EHBP1: variants seen among roughly 807,000 people sequenced by gnomAD.
EHBP1 encodes the protein EH domain-binding protein 1.
A neutral mutation model predicts 144.0 loss-of-function variants in EHBP1; 55 were observed. That is an observed-to-expected ratio of 0.38 (90% CI 0.31 to 0.48). The LOEUF (loss-of-function observed/expected upper bound fraction) is 0.48. Ranked by LOEUF, EHBP1 falls within the 20% of genes least tolerant of loss-of-function variation. The pLI is 0.98. For missense variants in EHBP1, 1,200 were observed against 1,364.2 expected (o/e 0.88, Z 1.90); for synonymous variants, 469 against 472.7 (o/e 0.99, Z 0.10).
At chr2:62,903,090 G>A (rs1038115053) in intron 10 of EHBP1, among the ~76,000 whole-genome samples, 10 of 152,098 alleles carry the variant, frequency 6.6e-5, no homozygotes, top group African/African-American at 2.4e-4. Flanking sequence ...AATGCACAGA[G>A]AAGCATTTAA....
chr2:62,763,529 C>G (rs779433871), intron 3 of EHBP1, among the ~76,000 whole-genome samples: 106 of 152,290 alleles, frequency 7.0e-4, no homozygotes, highest in South Asian at 2.5e-3. Flanking sequence ...TTATAATTTT[C>G]ATAGCATGTC....
intron 19 of EHBP1, among the ~76,000 whole-genome samples, chr2:63,019,673 C>T (rs955936617): frequency 1.5e-4 from 22 of 149,994 alleles, no homozygotes; most frequent in African/African-American, 4.9e-4. Context: ...TGCCATTGCA[C>T]TCCAGCCTGG....
At chr2:62,839,198 A>C (rs1276222642) in intron 7 of EHBP1, among the ~76,000 whole-genome samples, 1 of 152,078 alleles carries the variant, frequency 6.6e-6, no homozygotes, top group Non-Finnish European at 1.5e-5. Flanking sequence ...TACGCAAATC[A>C]ATAAATGTAA....
chr2:62,731,936 A>G (rs979807964), intron 2 of EHBP1, among the ~76,000 whole-genome samples: 10 of 152,142 alleles, frequency 6.6e-5, no homozygotes, highest in African/African-American at 2.4e-4. Context: ...TTTGTTTGAG[A>G]AAGTCTGTTT....
At chr2:62,983,052 G>A (rs1188127864) in intron 15 of EHBP1, among the ~76,000 whole-genome samples, 1 of 152,104 alleles carries the variant, frequency 6.6e-6, no homozygotes, top group Non-Finnish European at 1.5e-5. Flanking sequence ...CCCTCTGTTT[G>A]ACATACTTGT....
chr2:62,941,193 T>C (rs1376681216), intron 10 of EHBP1, among the ~76,000 whole-genome samples: 1 of 152,188 alleles, frequency 6.6e-6, no homozygotes, highest in Non-Finnish European at 1.5e-5. Flanking sequence ...CATAAACCAC[T>C]CTTCACTTTA....
chr2:62,874,820 CTA>C (rs112167697), intron 10 of EHBP1, among the ~76,000 whole-genome samples: 116 of 152,226 alleles, frequency 7.6e-4, no homozygotes, highest in African/African-American at 2.6e-3. Context: ...AAAGGATACT[CTA>C]TAACTATAGG....
intron 7 of EHBP1, among the ~76,000 whole-genome samples, chr2:62,846,332 A>G (rs1021777244): frequency 4.6e-5 from 7 of 152,198 alleles, no homozygotes; most frequent in Admixed American, 2.0e-4. Context: ...CAAAGTACCT[A>G]TATGAGTTCA....
chr2:62,694,502 CAA>C (rs71410958), intron 1 of EHBP1, among the ~76,000 whole-genome samples: 1 of 120,868 alleles, frequency 8.3e-6, no homozygotes. Context: ...CCTCCCATGA[CAA>C]AAAAAAAAAA....
intron 19 of EHBP1, among the ~76,000 whole-genome samples, chr2:63,036,119 A>C (rs1002746716): frequency 3.9e-5 from 6 of 152,060 alleles, no homozygotes; most frequent in Non-Finnish European, 1.5e-5. Flanking sequence ...TCCCTTACAC[A>C]CAGATTAGCT....
At chr2:62,821,524 C>G (rs2152570093) in intron 5 of EHBP1, among the ~76,000 whole-genome samples, 1 of 151,848 alleles carries the variant, frequency 6.6e-6, no homozygotes, top group African/African-American at 2.4e-5. Flanking sequence ...TCCCATTCAA[C>G]AAAAAATAAA....
chr2:62,987,632 T>G (rs994104230), intron 15 of EHBP1, among the ~76,000 whole-genome samples: 29 of 152,178 alleles, frequency 1.9e-4, no homozygotes, highest in African/African-American at 6.5e-4. Context: ...ACTTATAGAT[T>G]ACACTTTAAA....
At position 62,755,812 on chromosome 2, in the gene EHBP1, A is replaced by C. The variant is rs964840094; in HGVS notation, c.162+8360A>C. ...ATAGGTGAATATGACTAGACCTATA[A>C]ATTTTAGAAATAGCCTCTAAATGTT... is the stretch of plus-strand genomic sequence containing the variant. On this transcript the variant is annotated intron_variant, in intron 3 of 22. Coordinates refer to ENST00000431489, the MANE Select transcript of EHBP1 (RefSeq NM_001142616.3). Among the ~76,000 whole-genome samples, 10 of 152,330 alleles carry C rather than the reference A, an allele frequency of 6.6e-5. No individual in the cohort carries two copies. The East Asian group carries it at 7.7e-4, about 12-fold the overall frequency.
chr2:62,831,015 G>A lies in EHBP1; in HGVS notation c.495-4G>A, dbSNP rs1573580314. Reference sequence around the variant, plus strand: ...ATGTGTTATATTTTGAATCATTGATGTAGAGATGAAGACATGCAAAGTTTG... The same window carrying A: ...ATGTGTTATATTTTGAATCATTGATATAGAGATGAAGACATGCAAAGTTTG... On this transcript the variant is annotated splice_region_variant and splice_polypyrimidine_tract_variant and intron_variant, in intron 6 of 22. Transcript: ENST00000431489. 6.2e-7 allele frequency: 1 copy of A among 1,611,168 alleles called. No homozygotes were observed. Among genetic ancestry groups the A allele is most frequent in the Non-Finnish European group, 8.5e-7 (1 of 1,179,106 alleles).
chr2:62,970,332 G>C (rs1028382386), intron 14 of EHBP1, among the ~76,000 whole-genome samples: 2 of 152,076 alleles, frequency 1.3e-5, no homozygotes, highest in Non-Finnish European at 2.9e-5. Flanking sequence ...TACTAAGGCT[G>C]TATGAAACAC....
intron 5 of EHBP1, 108 bp downstream of exon 5, chr2:62,771,500 T>A: frequency 2.7e-6 from 2 of 753,510 alleles, no homozygotes; most frequent in Non-Finnish European, 4.2e-6. Flanking sequence ...TTAAGAAAAT[T>A]AAATAGTGAT....
intron 1 of EHBP1, among the ~76,000 whole-genome samples, chr2:62,680,263 T>C (rs184002434): frequency 6.6e-6 from 1 of 152,362 alleles, no homozygotes; most frequent in East Asian, 1.9e-4. Flanking sequence ...TCATTTTCAG[T>C]GCCCCTTGGC....
chr2:62,748,755 T>G (rs771863232), intron 3 of EHBP1, among the ~76,000 whole-genome samples: 3 of 152,176 alleles, frequency 2.0e-5, no homozygotes, highest in Non-Finnish European at 2.9e-5. Context: ...TTTCTACAAG[T>G]AGACCTGTAT....
chr2:62,836,908 A>G (rs1238468454), intron 7 of EHBP1, among the ~76,000 whole-genome samples: 2 of 148,216 alleles, frequency 1.3e-5, no homozygotes, highest in South Asian at 2.2e-4. Context: ...AAGTTGGAAA[A>G]CACTCTGCAG....
Sources: allele counts gnomAD v4.1 joint callset (sites outside exome capture counted in the v4.1 genomes callset), GRCh38; gene constraint gnomAD v4.1.1; transcripts MANE v1.5; gene names NCBI Gene and HGNC (gene_info 2026-07-23, HGNC 2026-07-21).